CBFA2T2: variants seen among roughly 807,000 people sequenced by gnomAD.
The protein encoded by CBFA2T2 is protein CBFA2T2.
In CBFA2T2, 11 loss-of-function variants were observed where a neutral mutation model predicts 62.2. That is an observed-to-expected ratio of 0.18 (90% confidence interval 0.11 to 0.29). The LOEUF (loss-of-function observed/expected upper bound fraction) is 0.29. CBFA2T2 is among the 10% of genes least tolerant of loss of function. The pLI is 1.00. For missense variants in CBFA2T2, 592 were observed against 774.1 expected (o/e 0.76, Z 2.79); for synonymous variants, 295 against 287.5 (o/e 1.03, Z -0.27).
At chr20:33,500,664 C>G (rs1600900576) in intron 1 of CBFA2T2, among the ~76,000 whole-genome samples, 1 of 151,912 alleles carries the variant, frequency 6.6e-6, no homozygotes, top group East Asian at 1.9e-4. Flanking sequence ...AGCCAAGATC[C>G]TGCCACTACA....
At chr20:33,507,104 G>A (rs974039239) in intron 1 of CBFA2T2, among the ~76,000 whole-genome samples, 3 of 152,112 alleles carry the variant, frequency 2.0e-5, no homozygotes, top group Admixed American at 6.6e-5. Flanking sequence ...CTATTAGAAG[G>A]ACAAACAGCT....
intron 5 of CBFA2T2, chr20:33,623,870 C>CTA: frequency 1.4e-6 from 1 of 716,068 alleles, no homozygotes; most frequent in Non-Finnish European, 2.6e-6. Flanking sequence ...AAACTCTACT[C>CTA]TAGAGAATTT....
At chr20:33,520,795 A>G (rs763004926) in intron 1 of CBFA2T2, among the ~76,000 whole-genome samples, 5 of 151,976 alleles carry the variant, frequency 3.3e-5, no homozygotes, top group African/African-American at 4.8e-5. Context: ...AAATATCTTA[A>G]ATAACTTTTC....
chr20:33,615,791 A>T (rs2015684931), intron 3 of CBFA2T2, among the ~76,000 whole-genome samples: 1 of 152,096 alleles, frequency 6.6e-6, no homozygotes, highest in African/African-American at 2.4e-5. Context: ...AAGACAGCAG[A>T]TTCACTCATG....
At chr20:33,503,573 A>G (rs1445662510) in intron 1 of CBFA2T2, among the ~76,000 whole-genome samples, 1 of 152,038 alleles carries the variant, frequency 6.6e-6, no homozygotes, top group East Asian at 1.9e-4. Context: ...TATTTTTAGG[A>G]AAAAAATTAT....
At chr20:33,618,395 C>T (rs377697675) in intron 3 of CBFA2T2, 1 of 152,146 alleles carries the variant, frequency 6.6e-6, no homozygotes, top group African/African-American at 2.4e-5. Flanking sequence ...AATTGAAATA[C>T]AAATATTGTG....
In CBFA2T2 at chr20:33,628,406, T is replaced by C; in HGVS notation, c.1003T>C (p.Trp335Arg). ...LVDHRLTERE[W>R]ADEWKHLDHA... ...AGATCATCGTTTGACAGAAAGGGAA[T>C]GGGCTGATGAATGGAAACATCTTGA... The change falls in exon 7 of 11, where the codon TGG (tryptophan) becomes CGG (arginine). Residue 335 changes from tryptophan to arginine, a missense_variant. Transcript: ENST00000342704. 3.7e-6 allele frequency: 6 copies of C among 1,612,542 alleles called. No individual in the cohort carries two copies. Among genetic ancestry groups the C allele is most frequent in the Non-Finnish European group, 5.1e-6 (6 of 1,178,478 alleles).
At chr20:33,494,994 G>A (rs1473124874) in intron 1 of CBFA2T2, among the ~76,000 whole-genome samples, 4 of 152,230 alleles carry the variant, frequency 2.6e-5, no homozygotes, top group African/African-American at 9.6e-5. Context: ...TCTACACCCA[G>A]TGGTGAATTT....
chr20:33,493,831 A>G (rs1332339233), intron 1 of CBFA2T2, among the ~76,000 whole-genome samples: 1 of 151,926 alleles, frequency 6.6e-6, no homozygotes, highest in Non-Finnish European at 1.5e-5. Flanking sequence ...TCATTCCATC[A>G]GTAAATAGGG....
chr20:33,503,997 T>C (rs2011354029), intron 1 of CBFA2T2, among the ~76,000 whole-genome samples: 1 of 152,174 alleles, frequency 6.6e-6, no homozygotes, highest in Admixed American at 6.6e-5. Context: ...CTCACACCCC[T>C]TTCTTTTCAC....
chr20:33,600,119 G>T (rs549561854), intron 1 of CBFA2T2, among the ~76,000 whole-genome samples: 1 of 141,420 alleles, frequency 7.1e-6, no homozygotes, highest in Admixed American at 7.1e-5. Context: ...GGCTATAAAT[G>T]TAACAGTAAT....
At chr20:33,594,481 A>G (rs905637246) in intron 1 of CBFA2T2, among the ~76,000 whole-genome samples, 14 of 152,114 alleles carry the variant, frequency 9.2e-5, no homozygotes, top group Admixed American at 7.9e-4. Flanking sequence ...CGGCCTCCCA[A>G]AGTGCTGGGA....
chr20:33,494,938 A>G (rs1436271833), intron 1 of CBFA2T2, among the ~76,000 whole-genome samples: 3 of 152,196 alleles, frequency 2.0e-5, no homozygotes, highest in Non-Finnish European at 2.9e-5. Flanking sequence ...CATTTTACAG[A>G]AGGATAAGGT....
chr20:33,550,850 G>T (rs1368547286), intron 1 of CBFA2T2, among the ~76,000 whole-genome samples: 1 of 151,960 alleles, frequency 6.6e-6, no homozygotes, highest in South Asian at 2.1e-4. Flanking sequence ...TCCAACTCCT[G>T]ACCTCAGGTG....
chr20:33,497,385 TGC>T (rs2146844274), intron 1 of CBFA2T2, among the ~76,000 whole-genome samples: 1 of 151,544 alleles, frequency 6.6e-6, no homozygotes, highest in East Asian at 1.9e-4. Flanking sequence ...GATCTAGAGA[TGC>T]TCTCATTAGT....
chr20:33,624,987 C>T lies in CBFA2T2; in HGVS notation c.916C>T (p.Arg306Ter), dbSNP rs200823352. ...YREPNKMLEHREVRDRHHSLG... is the reference protein window; with the variant it reads ...YREPNKMLEH ...GGAACCCAACAAGATGCTAGAGCATCGAGAAGTTCGTGATAGACACCACAG... is the reference window on the plus strand; with the variant it reads ...GGAACCCAACAAGATGCTAGAGCATTGAGAAGTTCGTGATAGACACCACAG... The change falls in exon 6 of 11, where the codon CGA (arginine) becomes TGA (stop). Residue 306 changes from arginine to a stop codon, truncating the protein, a stop_gained. Transcript: ENST00000342704. LOFTEE classifies it high-confidence loss of function. The T allele has an allele frequency of 6.2e-7, 1 of 1,614,098 alleles. No homozygotes were observed. Among genetic ancestry groups the T allele is most frequent in the Non-Finnish European group, 8.5e-7 (1 of 1,180,006 alleles).
intron 1 of CBFA2T2, among the ~76,000 whole-genome samples, chr20:33,557,857 CA>C (rs1441279955): frequency 6.7e-6 from 1 of 149,634 alleles, no homozygotes; most frequent in East Asian, 1.9e-4. Context: ...TGTTTTGAGA[CA>C]AAAATCTTGC....
intron 1 of CBFA2T2, among the ~76,000 whole-genome samples, chr20:33,527,780 G>A (rs2011931963): frequency 6.6e-6 from 1 of 151,980 alleles, no homozygotes; most frequent in South Asian, 2.1e-4. Flanking sequence ...CTGACCTCAG[G>A]TGATCTGCCT....
intron 1 of CBFA2T2, among the ~76,000 whole-genome samples, chr20:33,569,059 AG>A (rs1220460024): frequency 6.6e-6 from 1 of 152,200 alleles, no homozygotes; most frequent in Admixed American, 6.5e-5. Context: ...TGAGTAGTAA[AG>A]CTTTTAGACT....
Sources: allele counts gnomAD v4.1 joint callset (sites outside exome capture counted in the v4.1 genomes callset), GRCh38; gene constraint gnomAD v4.1.1; transcripts MANE v1.5; gene names NCBI Gene and HGNC (gene_info 2026-07-23, HGNC 2026-07-21).